Variants in CNRIP1 observed in about 807,000 individuals in gnomAD.
CNRIP1 encodes the protein cannabinoid receptor interacting protein 1.
CNRIP1 carries 10 observed loss-of-function variants against 15.2 expected under a neutral mutation model. The observed-to-expected ratio is 0.66, with a 90% CI of 0.41 to 1.12. The LOEUF is 1.12. Among genes scored for constraint, CNRIP1 ranks in the 50% most tolerant of loss-of-function variants. CNRIP1 has a pLI of 0.00. For synonymous variants in CNRIP1, 91 were observed against 83.2 expected (o/e 1.09, Z -0.51); for missense variants, 211 against 214.7 (o/e 0.98, Z 0.11).
intron 2 of CNRIP1, chr2:68,316,461 AGCTT>A (rs1445840558): frequency 1.3e-5 from 2 of 152,174 alleles, no homozygotes; most frequent in African/African-American, 4.8e-5. Flanking sequence ...TGCTTTAGCA[AGCTT>A]GCTTCATCAC....
intron 2 of CNRIP1, chr2:68,316,720 G>A (rs1672285702): frequency 7.3e-6 from 2 of 273,724 alleles, no homozygotes; most frequent in South Asian, 1.0e-4. Context: ...TATTATATAA[G>A]AGGTGTATTT....
intron 2 of CNRIP1, among the ~76,000 whole-genome samples, chr2:68,300,249 T>C (rs1671554274): frequency 6.6e-6 from 1 of 152,222 alleles, no homozygotes; most frequent in Non-Finnish European, 1.5e-5. Flanking sequence ...TTGCTCTATA[T>C]CCTCTCCAAC....
chr2:68,311,781 A>G (rs867094440), intron 2 of CNRIP1, among the ~76,000 whole-genome samples: 15,307 of 127,970 alleles, frequency 0.12, 739 homozygotes, highest in African/African-American at 0.21. Context: ...TCTCCGGGGA[A>G]AAAAAAAAAA....
chr2:68,306,887 A>G (rs1671875481), intron 2 of CNRIP1, among the ~76,000 whole-genome samples: 1 of 152,190 alleles, frequency 6.6e-6, no homozygotes, highest in Non-Finnish European at 1.5e-5. Flanking sequence ...ACCAAACAGG[A>G]CAGAAGGCCA....
At chr2:68,284,381 A>C in exon 3 of CNRIP1, 3 of 1,298,096 alleles carry the variant, frequency 2.3e-6, no homozygotes, top group Non-Finnish European at 3.1e-6. Context: ...TTGGAAAAAA[A>C]AAAAAGAACA....
rs1671219582 is a variant in CNRIP1 at position 68,293,095 on chromosome 2, T to C, written c.*767A>G. 1.0e-6 allele frequency: 1 copy of C among 985,428 alleles called. No homozygotes were observed. The highest frequency in any genetic ancestry group is 1.2e-6 in the Non-Finnish European group (1 of 829,912). 61.0% of individuals were successfully genotyped at this position (985,428 alleles called of 1,614,324 possible). On this transcript the variant is annotated 3_prime_UTR_variant, in exon 3 of 3. Transcript: ENST00000263655. ...TACAAAGTTCAAGTGAAGAAGACTG[T>C]AGGGATGCCATCAATGTGCGTGTCT... is the stretch of plus-strand genomic sequence containing the variant.
chr2:68,284,541 G>T, intron 2 of CNRIP1: 1 of 1,173,626 alleles, frequency 8.5e-7, no homozygotes, highest in Non-Finnish European at 1.2e-6. Flanking sequence ...GGTAGGTGCA[G>T]TGACTCACGC....
In CNRIP1 at chr2:68,297,201, T is replaced by G. The variant is rs1671400914; in HGVS notation, c.331-3175A>C. Among the ~76,000 whole-genome samples the G allele has an allele frequency of 2.0e-5, 3 of 152,200 alleles. No homozygotes were observed. In the South Asian group the frequency reaches 6.2e-4, roughly 32 times the overall value. Reference sequence around the variant, plus strand: ...TCCTTAATATAAAGGACCATATGCATTATTAGTAAGTACTACGAGGAACAT... The same window carrying G: ...TCCTTAATATAAAGGACCATATGCAGTATTAGTAAGTACTACGAGGAACAT... On this transcript the variant is annotated intron_variant, in intron 2 of 2. Transcript: ENST00000263655.
intron 2 of CNRIP1, among the ~76,000 whole-genome samples, chr2:68,302,018 C>T (rs1348517094): frequency 6.6e-6 from 1 of 151,702 alleles, no homozygotes; most frequent in African/African-American, 2.4e-5. Flanking sequence ...AAGAAATATG[C>T]CAGCCCTGAA....
At chr2:68,314,331 T>C (rs1159547402) in intron 2 of CNRIP1, among the ~76,000 whole-genome samples, 3 of 152,054 alleles carry the variant, frequency 2.0e-5, no homozygotes, top group Non-Finnish European at 4.4e-5. Flanking sequence ...AAAGAGCATA[T>C]AGAATTTAGC....
At chr2:68,317,441 G>A (rs559584124) in intron 1 of CNRIP1, 134 bp from the exon 2 acceptor site, 2 of 859,084 alleles carry the variant, frequency 2.3e-6, no homozygotes, top group East Asian at 2.6e-5. Context: ...AGAAAGTTCT[G>A]CAAGTTCAGG....
chr2:68,305,656 C>T (rs1671810515), intron 2 of CNRIP1, among the ~76,000 whole-genome samples: 1 of 151,720 alleles, frequency 6.6e-6, no homozygotes, highest in Non-Finnish European at 1.5e-5. Flanking sequence ...ATTAGCTGGG[C>T]ATGGTGGCGA....
chr2:68,297,169 G>C (rs1264864305), intron 2 of CNRIP1, among the ~76,000 whole-genome samples: 1 of 152,068 alleles, frequency 6.6e-6, no homozygotes. Context: ...TTACCAAATA[G>C]TCATTATCCT....
intron 2 of CNRIP1, among the ~76,000 whole-genome samples, chr2:68,308,649 A>C (rs972690350): frequency 1.3e-5 from 2 of 152,206 alleles, no homozygotes; most frequent in Non-Finnish European, 2.9e-5. Context: ...AAAATGAAAA[A>C]ACACACATAA....
At chr2:68,319,120 C>T (rs1672392075) in intron 1 of CNRIP1, 102 bp downstream of exon 1, 2 of 1,239,672 alleles carry the variant, frequency 1.6e-6, no homozygotes, top group Admixed American at 3.3e-5. Flanking sequence ...GGGAGCGGCG[C>T]GAGGCCAGAG....
chr2:68,301,315 A>T (rs1264968848), intron 2 of CNRIP1, among the ~76,000 whole-genome samples: 3 of 152,234 alleles, frequency 2.0e-5, no homozygotes, highest in Non-Finnish European at 2.9e-5. Context: ...ATAGTTGGAG[A>T]AAGAGCACCT....
intron 2 of CNRIP1, among the ~76,000 whole-genome samples, chr2:68,305,923 G>A (rs968913696): frequency 1.3e-5 from 2 of 151,602 alleles, no homozygotes; most frequent in African/African-American, 4.8e-5. Flanking sequence ...GAGGCCAGGA[G>A]TTCAAGACCA....
At chr2:68,305,324 CATATATA>C (rs549751002) in intron 2 of CNRIP1, among the ~76,000 whole-genome samples, 16 of 121,722 alleles carry the variant, frequency 1.3e-4, no homozygotes, top group East Asian at 1.1e-3. Flanking sequence ...ACATATAAAA[CATATATA>C]ATATATATTT....
intron 2 of CNRIP1, chr2:68,316,333 G>C (rs979148515): frequency 6.6e-6 from 1 of 152,142 alleles, no homozygotes; most frequent in Non-Finnish European, 1.5e-5. Context: ...ACCGATATTT[G>C]AGAACCCTTG....
Sources: gnomAD v4.1 joint callset for allele counts (sites outside exome capture counted in the v4.1 genomes callset) on GRCh38, gnomAD v4.1.1 for gene constraint, MANE v1.5 for transcripts, NCBI Gene and HGNC (gene_info 2026-07-23, HGNC 2026-07-21) for gene names.